Variants in ASTN2 observed in about 807,000 individuals in gnomAD.
ASTN2 encodes the protein astrotactin 2.
Under a neutral mutation model 139.8 loss-of-function variants are expected in ASTN2, and 54 were observed. The observed-to-expected ratio is 0.39, with a 90% CI of 0.31 to 0.48. ASTN2 has a LOEUF of 0.48. ASTN2 is among the 20% of genes least tolerant of loss of function. The pLI is 0.95. For synonymous variants in ASTN2, 756 were observed against 719.5 expected (o/e 1.05, Z -0.81); for missense variants, 1,565 against 1,725.1 (o/e 0.91, Z 1.64).
Position 116,975,203 on chromosome 9 carries a change from C to A in ASTN2, c.1889+5G>T. 6.2e-7 allele frequency: 1 copy of A among 1,604,446 alleles called. No individual in the cohort carries two copies. The highest frequency in any genetic ancestry group is 8.5e-7 in the Non-Finnish European group (1 of 1,175,768). Reference sequence around the variant, plus strand: ...CTATGCAGAGTACTGGAGATGATTCCCTACCTGACATCTGCAGGGTCTTCC... The same window carrying A: ...CTATGCAGAGTACTGGAGATGATTCACTACCTGACATCTGCAGGGTCTTCC... On this transcript the variant is annotated splice_donor_5th_base_variant and intron_variant, in intron 10 of 22. Coordinates refer to ENST00000313400, the MANE Select transcript of ASTN2 (RefSeq NM_001365068.1).
At chr9:116,499,942 C>A (rs948516280) in intron 19 of ASTN2, among the ~76,000 whole-genome samples, 1 of 152,130 alleles carries the variant, frequency 6.6e-6, no homozygotes, top group African/African-American at 2.4e-5. Context: ...AAGTTCTCCA[C>A]CAGCCTTTAC....
In ASTN2 at chr9:116,641,675, T is replaced by C. The variant is rs10983289; in HGVS notation, c.3072+9853A>G. On this transcript the variant is annotated intron_variant, in intron 17 of 22. Coordinates refer to ENST00000313400, the MANE Select transcript of ASTN2 (RefSeq NM_001365068.1). ...AATATTCTCTGACATGCAAAAATGTTTGCATTTGCTAAAACTGTATATCTC... is the reference window on the plus strand; with the variant it reads ...AATATTCTCTGACATGCAAAAATGTCTGCATTTGCTAAAACTGTATATCTC... Among the ~76,000 whole-genome samples, 2,916 of 152,292 alleles carry C rather than the reference T, an allele frequency of 0.019. 394 individuals carry two copies. In the South Asian group the frequency reaches 0.29, roughly 15 times the overall value.
chr9:116,857,533 A>G (rs1333597455), intron 11 of ASTN2, among the ~76,000 whole-genome samples: 2 of 152,208 alleles, frequency 1.3e-5, no homozygotes, highest in Non-Finnish European at 2.9e-5. Context: ...ATAAATAATT[A>G]TACTATATAG....
At chr9:117,136,093 T>A (rs1829944954) in intron 4 of ASTN2, among the ~76,000 whole-genome samples, 1 of 152,176 alleles carries the variant, frequency 6.6e-6, no homozygotes, top group African/African-American at 2.4e-5. Context: ...ATAATACCGA[T>A]AAAAATAAGA....
At chr9:116,582,506 G>A (rs529436140) in intron 19 of ASTN2, 2 of 152,362 alleles carry the variant, frequency 1.3e-5, no homozygotes, top group African/African-American at 4.8e-5. Flanking sequence ...TAACTAGTAA[G>A]TGATGTAACT....
chr9:117,214,936 A>T (rs1832264398), intron 2 of ASTN2, among the ~76,000 whole-genome samples, 194 bp from the exon 3 acceptor site: 1 of 152,156 alleles, frequency 6.6e-6, no homozygotes, highest in African/African-American at 2.4e-5. Context: ...AAACTATGTG[A>T]CCCTAGGCAA....
intron 3 of ASTN2, among the ~76,000 whole-genome samples, chr9:117,206,395 C>T (rs1564478061): frequency 1.3e-5 from 2 of 152,204 alleles, no homozygotes; most frequent in Non-Finnish European, 2.9e-5. Flanking sequence ...ACAGTCCTCA[C>T]AAGCCCTGAG....
chr9:117,049,760 G>T (rs1332272666), intron 5 of ASTN2, among the ~76,000 whole-genome samples: 1 of 152,156 alleles, frequency 6.6e-6, no homozygotes, highest in African/African-American at 2.4e-5. Flanking sequence ...AAGTCACAGA[G>T]AATACATGCA....
chr9:116,589,943 A>G (rs1854311967), intron 19 of ASTN2, among the ~76,000 whole-genome samples: 1 of 152,186 alleles, frequency 6.6e-6, no homozygotes, highest in Non-Finnish European at 1.5e-5. Context: ...TAGATTTATA[A>G]TCAAATTTTC....
chr9:116,731,412 G>GTGTTT (rs768145981), intron 14 of ASTN2, among the ~76,000 whole-genome samples: 43 of 151,478 alleles, frequency 2.8e-4, no homozygotes, highest in African/African-American at 7.7e-4. Flanking sequence ...TTTTGTTATT[G>GTGTTT]TGTTTTGTTT....
At chr9:117,036,773 T>C (rs1225743197) in intron 6 of ASTN2, among the ~76,000 whole-genome samples, 1 of 152,196 alleles carries the variant, frequency 6.6e-6, no homozygotes, top group Non-Finnish European at 1.5e-5. Context: ...ACTTGGTCCC[T>C]CTGCCTGCTG....
At chr9:116,674,880 T>C (rs540596980) in intron 16 of ASTN2, among the ~76,000 whole-genome samples, 1 of 152,322 alleles carries the variant, frequency 6.6e-6, no homozygotes, top group Admixed American at 6.5e-5. Flanking sequence ...TTAAAAACTC[T>C]GCTCCCCAAA....
At chr9:117,175,750 C>G (rs965557755) in intron 3 of ASTN2, among the ~76,000 whole-genome samples, 31 of 151,910 alleles carry the variant, frequency 2.0e-4, no homozygotes, top group Middle Eastern at 3.4e-3. Flanking sequence ...TGTTTACAAG[C>G]AAAATCTTAA....
chr9:117,372,602 A>T (rs2130915028), intron 1 of ASTN2, among the ~76,000 whole-genome samples: 1 of 152,318 alleles, frequency 6.6e-6, no homozygotes, highest in East Asian at 1.9e-4. Flanking sequence ...AAAATGTTAC[A>T]AGAATTAAAT....
intron 11 of ASTN2, among the ~76,000 whole-genome samples, chr9:116,844,882 C>T (rs1832380668): frequency 6.6e-6 from 1 of 152,210 alleles, no homozygotes; most frequent in Non-Finnish European, 1.5e-5. Context: ...AATTCAAATG[C>T]TTTCAGGACA....
chr9:116,784,235 C>G (rs1192185503), intron 13 of ASTN2, among the ~76,000 whole-genome samples: 6 of 152,160 alleles, frequency 3.9e-5, no homozygotes, highest in Non-Finnish European at 7.4e-5. Context: ...AATCATAACA[C>G]CCCTAATGAA....
At chr9:117,204,240 G>A (rs1190737087) in intron 3 of ASTN2, among the ~76,000 whole-genome samples, 1 of 152,178 alleles carries the variant, frequency 6.6e-6, no homozygotes, top group Non-Finnish European at 1.5e-5. Flanking sequence ...TGGATTTTTA[G>A]TAGAGACAGG....
intron 13 of ASTN2, among the ~76,000 whole-genome samples, chr9:116,793,256 T>C (rs1203776193): frequency 6.6e-6 from 1 of 152,196 alleles, no homozygotes; most frequent in East Asian, 1.9e-4. Flanking sequence ...AAATACGTTT[T>C]GGAAAAGCCA....
intron 3 of ASTN2, among the ~76,000 whole-genome samples, chr9:117,183,072 G>T (rs1564465626): frequency 6.6e-6 from 1 of 152,206 alleles, no homozygotes; most frequent in Non-Finnish European, 1.5e-5. Flanking sequence ...TTCTTGAACA[G>T]CCAAATTGAG....
Sources: gnomAD v4.1 joint callset for allele counts (sites outside exome capture counted in the v4.1 genomes callset) on GRCh38, gnomAD v4.1.1 for gene constraint, MANE v1.5 for transcripts, NCBI Gene and HGNC (gene_info 2026-07-23, HGNC 2026-07-21) for gene names.